Variants in PLPBP observed in about 807,000 individuals in gnomAD.
PLPBP encodes pyridoxal phosphate homeostasis protein.
In PLPBP, 21 loss-of-function variants were observed where a neutral mutation model predicts 31.2. That is an observed-to-expected ratio of 0.67 (90% confidence interval 0.48 to 0.97). PLPBP has a LOEUF of 0.97. Ranked by LOEUF, PLPBP falls within the 50% of genes least tolerant of loss-of-function variation. The pLI is 0.00. For synonymous variants in PLPBP, 124 were observed against 135.6 expected, an observed-to-expected ratio of 0.91 and a Z score of 0.59; for missense variants, 308 against 354.4, an observed-to-expected ratio of 0.87 and a Z score of 1.05.
At chr8:37,770,415 T>G (rs756758389) in intron 4 of PLPBP, among the ~76,000 whole-genome samples, 3 of 152,210 alleles carry the variant, frequency 2.0e-5, no homozygotes, top group Non-Finnish European at 4.4e-5. Context: ...CTGGGAAAAC[T>G]AGATATCCAT....
At chr8:37,763,792 G>A (rs1373956797) in intron 1 of PLPBP, among the ~76,000 whole-genome samples, 1 of 152,170 alleles carries the variant, frequency 6.6e-6, no homozygotes, top group Admixed American at 6.5e-5. Context: ...GTGGAAGGAA[G>A]GAAGAGGAGA....
intron 4 of PLPBP, among the ~76,000 whole-genome samples, chr8:37,768,460 A>ATTTTGT (rs1803690161): frequency 9.9e-6 from 1 of 101,126 alleles, no homozygotes; most frequent in African/African-American, 3.7e-5. Context: ...TACAGTTTTG[A>ATTTTGT]TTTTCTTTTT....
At chr8:37,775,273 A>G (rs537500472) in intron 5 of PLPBP, 66 bp from the exon 6 acceptor site, 1 of 1,581,958 alleles carries the variant, frequency 6.3e-7, no homozygotes, top group Non-Finnish European at 8.7e-7. Flanking sequence ...GGAAGGGAGG[A>G]AAATGGAGCC....
chr8:37,767,429 C>A (rs1803661038), intron 4 of PLPBP, among the ~76,000 whole-genome samples: 2 of 152,118 alleles, frequency 1.3e-5, no homozygotes, highest in Non-Finnish European at 2.9e-5. Flanking sequence ...GAGTTTTATC[C>A]AAAGGGAATC....
intron 4 of PLPBP, among the ~76,000 whole-genome samples, chr8:37,768,079 G>A (rs1803681011): frequency 6.6e-6 from 1 of 152,016 alleles, no homozygotes; most frequent in Non-Finnish European, 1.5e-5. Context: ...TGCTAGGATT[G>A]CAGGCATGAG....
intron 7 of PLPBP, 43 bp downstream of exon 7, chr8:37,776,059 G>A: frequency 6.4e-7 from 1 of 1,557,436 alleles, no homozygotes; most frequent in Non-Finnish European, 8.8e-7. Context: ...AGGGGTGGGG[G>A]TAGGGGGTCT....
intron 5 of PLPBP, among the ~76,000 whole-genome samples, chr8:37,773,517 G>A (rs554690764): frequency 6.9e-6 from 1 of 144,120 alleles, no homozygotes; most frequent in African/African-American, 2.6e-5. Flanking sequence ...TCGCCAGGCT[G>A]GAGTGCAGTG....
At chr8:37,776,516 A>G (rs1803918745) in intron 7 of PLPBP, among the ~76,000 whole-genome samples, 1 of 151,246 alleles carries the variant, frequency 6.6e-6, no homozygotes, top group Non-Finnish European at 1.5e-5. Flanking sequence ...AAAGAAAGAA[A>G]AGAAATGTAT....
chr8:37,772,731 T>C (rs1803804955), intron 4 of PLPBP, 24 bp from the exon 5 acceptor site: 1 of 1,613,914 alleles, frequency 6.2e-7, no homozygotes, highest in Non-Finnish European at 8.5e-7. Context: ...TAAGGAATAC[T>C]ACTTTGCCTC....
intron 5 of PLPBP, 117 bp downstream of exon 5, chr8:37,773,006 A>G: frequency 5.1e-6 from 7 of 1,380,420 alleles, no homozygotes; most frequent in Non-Finnish European, 7.0e-6. Context: ...TCACAGGATC[A>G]CAGGCCTCTA....
chr8:37,765,559 G>C lies in PLPBP; in HGVS notation c.133G>C (p.Val45Leu). The change falls in exon 2 of 8, where the codon GTC (valine) becomes CTC (leucine). Residue 45 changes from valine to leucine, a missense_variant. Transcript: ENST00000328195. ...LPAIQPRLVAVSKTKPADMVI... is the reference protein window; with the variant it reads ...LPAIQPRLVALSKTKPADMVI... Reference sequence around the variant, plus strand: ...AGCCATCCAGCCCCGGCTAGTGGCGGTCAGCAAAACCAAACCTGCAGACAT... The same window carrying C: ...AGCCATCCAGCCCCGGCTAGTGGCGCTCAGCAAAACCAAACCTGCAGACAT... 3 of 1,614,020 alleles carry C rather than the reference G, an allele frequency of 1.9e-6. No homozygotes were observed. The highest frequency in any genetic ancestry group is 2.5e-6 in the Non-Finnish European group (3 of 1,179,906).
At chr8:37,774,086 C>G (rs1803842608) in intron 5 of PLPBP, among the ~76,000 whole-genome samples, 1 of 152,012 alleles carries the variant, frequency 6.6e-6, no homozygotes, top group Admixed American at 6.6e-5. Context: ...TGGTGTGCAC[C>G]CATAGCCCCA....
At chr8:37,772,008 G>T (rs763244563) in intron 4 of PLPBP, among the ~76,000 whole-genome samples, 3 of 152,180 alleles carry the variant, frequency 2.0e-5, no homozygotes, top group Non-Finnish European at 2.9e-5. Context: ...AAAGTGAAGA[G>T]ACAACTCAGA....
Position 37,772,841 on chromosome 8 carries a change from C to T in PLPBP, c.406C>T (p.Pro136Ser). The change falls in exon 5 of 8, where the codon CCT (proline) becomes TCT (serine). Residue 136 changes from proline to serine, a missense_variant. Around this residue, in one of 2 missense-constraint regions of PLPBP, gnomAD observed 188 missense variants for 259.3 expected, o/e 0.73. Coordinates refer to ENST00000328195, the MANE Select transcript of PLPBP (RefSeq NM_007198.4). Reference protein sequence around the residue: ...VNSSWQRKGSPERLKVMVQIN... With the variant: ...VNSSWQRKGSSERLKVMVQIN... ...CAGTTCCTGGCAGAGAAAAGGTTCT[C>T]CTGAAAGGTTAAAGGTTATGGTCCA... 6.2e-7 allele frequency: 1 copy of T among 1,614,164 alleles called. No individual in the cohort carries two copies. The highest frequency in any genetic ancestry group is 8.5e-7 in the Non-Finnish European group (1 of 1,180,018).
At chr8:37,767,454 CTT>C (rs1246458619) in intron 4 of PLPBP, among the ~76,000 whole-genome samples, 9 of 152,128 alleles carry the variant, frequency 5.9e-5, no homozygotes, top group Non-Finnish European at 1.3e-4. Flanking sequence ...AGTATGTACT[CTT>C]TTTTGTCTGA....
intron 7 of PLPBP, 43 bp downstream of exon 7, chr8:37,776,059 G>T (rs1803900180): frequency 6.4e-7 from 1 of 1,557,438 alleles, no homozygotes. Flanking sequence ...AGGGGTGGGG[G>T]TAGGGGGTCT....
chr8:37,772,312 G>A (rs1240237933), intron 4 of PLPBP, among the ~76,000 whole-genome samples: 1 of 152,198 alleles, frequency 6.6e-6, no homozygotes, highest in African/African-American at 2.4e-5. Context: ...TCATGGTGAT[G>A]TCCTTGTTGG....
In PLPBP at chr8:37,762,725, G is replaced by C; in HGVS notation, c.66G>C (p.Glu22Asp). The C allele has an allele frequency of 6.3e-7, 1 of 1,586,876 alleles. No individual in the cohort carries two copies. The highest frequency in any genetic ancestry group is 8.5e-7 in the Non-Finnish European group (1 of 1,171,712). ...GVGCALRAVN[E>D]RVQQAVARRP... ...GGTGCGCATTGCGGGCGGTGAACGA[G>C]CGCGTGCAGCAGGCTGTGGCGCGGC... Residue 22 changes from glutamate to aspartate, a missense_variant, in exon 1 of 8, where the codon GAG becomes GAC. Transcript: ENST00000328195.
At chr8:37,772,245 G>A (rs1361887478) in intron 4 of PLPBP, among the ~76,000 whole-genome samples, 1 of 152,170 alleles carries the variant, frequency 6.6e-6, no homozygotes, top group East Asian at 1.9e-4. Flanking sequence ...CTGACCTCAG[G>A]TGATCCACCC....
Sources: gnomAD v4.1 joint callset for allele counts (sites outside exome capture counted in the v4.1 genomes callset) on GRCh38, gnomAD v4.1.1 for gene constraint, gnomAD v4.1.1 regional missense constraint, MANE v1.5 for transcripts, NCBI Gene and HGNC (gene_info 2026-07-23, HGNC 2026-07-21) for gene names.